RFX3: variants seen among roughly 807,000 people sequenced by gnomAD.
RFX3 encodes transcription factor RFX3.
Under a neutral mutation model 98.6 loss-of-function variants are expected in RFX3, and 14 were observed. The observed-to-expected ratio is 0.14, with a 90% CI of 0.09 to 0.22. The LOEUF (loss-of-function observed/expected upper bound fraction) is 0.22, where lower values mean the gene tolerates loss of function less well. RFX3 is among the 10% of genes least tolerant of loss of function. The pLI, the probability that RFX3 is intolerant of heterozygous loss-of-function variation, is 1.00. For synonymous variants in RFX3, 383 were observed against 328.4 expected (o/e 1.17, Z -1.80); for missense variants, 639 against 926.9 (o/e 0.69, Z 4.03).
At chr9:3,344,785 C>T (rs186786180) in intron 3 of RFX3, 26 of 698,086 alleles carry the variant, frequency 3.7e-5, no homozygotes, top group East Asian at 2.7e-5. Flanking sequence ...GCATAAAGGT[C>T]GAAGTGGCAG....
At chr9:3,401,052 C>T (rs1008234138) in intron 1 of RFX3, among the ~76,000 whole-genome samples, 1 of 152,098 alleles carries the variant, frequency 6.6e-6, no homozygotes, top group African/African-American at 2.4e-5. Context: ...GGTTCTCAAT[C>T]GATATTACAT....
At chr9:3,262,171 C>A (rs544614862) in intron 13 of RFX3, among the ~76,000 whole-genome samples, 2 of 151,822 alleles carry the variant, frequency 1.3e-5, no homozygotes, top group Admixed American at 6.6e-5. Flanking sequence ...TGTATTTTTC[C>A]TCTTGTTGCT....
intron 1 of RFX3, among the ~76,000 whole-genome samples, chr9:3,431,858 T>C (rs1564093636): frequency 6.6e-6 from 1 of 152,156 alleles, no homozygotes; most frequent in Non-Finnish European, 1.5e-5. Context: ...AACAGGTTTC[T>C]AATGCAGAAG....
chr9:3,227,034 C>T (rs1161235950), intron 16 of RFX3, among the ~76,000 whole-genome samples: 2 of 152,126 alleles, frequency 1.3e-5, no homozygotes, highest in Non-Finnish European at 2.9e-5. Context: ...GCCCATCTGG[C>T]TCTAACTCAA....
intron 2 of RFX3, among the ~76,000 whole-genome samples, chr9:3,369,226 G>C (rs529441911): frequency 6.6e-6 from 1 of 152,328 alleles, no homozygotes; most frequent in African/African-American, 2.4e-5. Flanking sequence ...CTGGATGCTG[G>C]GAATTTCAAG....
intron 1 of RFX3, among the ~76,000 whole-genome samples, chr9:3,495,506 A>G (rs1056269125): frequency 2.0e-5 from 3 of 152,106 alleles, no homozygotes; most frequent in African/African-American, 2.4e-5. Flanking sequence ...TTAAAATGTC[A>G]TTAAATGGCT....
chr9:3,422,910 A>T (rs1037379857), intron 1 of RFX3, among the ~76,000 whole-genome samples: 2 of 152,258 alleles, frequency 1.3e-5, no homozygotes, highest in African/African-American at 2.4e-5. Flanking sequence ...AGCTATATTT[A>T]AAAAAATAAT....
At chr9:3,247,660 A>T in intron 15 of RFX3, 1 of 1,422,332 alleles carries the variant, frequency 7.0e-7, no homozygotes, top group Non-Finnish European at 9.2e-7. Flanking sequence ...AGTCTACAAA[A>T]TACATATTTA....
At chr9:3,393,360 T>G (rs1840518561) in intron 2 of RFX3, among the ~76,000 whole-genome samples, 1 of 152,122 alleles carries the variant, frequency 6.6e-6, no homozygotes, top group Non-Finnish European at 1.5e-5. Context: ...GTGTAAATAT[T>G]TGATAATATG....
Position 3,224,640 on chromosome 9 carries a change from A to C in RFX3, c.*402T>G, listed in dbSNP as rs995155253. 9.0e-5 allele frequency: 15 copies of C among 166,236 alleles called. No homozygotes were observed. The highest frequency in any genetic ancestry group is 3.6e-4 in the African/African-American group (15 of 41,560). The allele number at this position is 166,236 out of a possible 1,614,324, so 10.3% of individuals were successfully genotyped here. A position where few individuals can be genotyped will look rare whatever the true frequency, so the allele number is the denominator to read the frequency against. ...GCCTCCAGTGTAAATCAAAAAAATC[A>C]TTTCTTTTGATATTTCACAGAAGTG... On this transcript the variant is annotated 3_prime_UTR_variant, in exon 17 of 17. Transcript: ENST00000617270.
At chr9:3,363,831 A>G (rs1420397392) in intron 2 of RFX3, among the ~76,000 whole-genome samples, 3 of 152,240 alleles carry the variant, frequency 2.0e-5, no homozygotes, top group African/African-American at 7.2e-5. Flanking sequence ...TATTGGTAGT[A>G]CAAAGGCAAG....
intron 8 of RFX3, among the ~76,000 whole-genome samples, chr9:3,277,132 CTA>C (rs1304038592): frequency 6.6e-6 from 1 of 151,864 alleles, no homozygotes; most frequent in East Asian, 1.9e-4. Context: ...CATAAAAGTC[CTA>C]TATAGCTCGA....
At chr9:3,305,249 T>C (rs1829146027) in intron 4 of RFX3, among the ~76,000 whole-genome samples, 2 of 151,726 alleles carry the variant, frequency 1.3e-5, no homozygotes, top group South Asian at 4.2e-4. Context: ...GCTGAAAAAA[T>C]AGGTTGGAAG....
At chr9:3,454,871 C>T (rs376367569) in intron 1 of RFX3, among the ~76,000 whole-genome samples, 2 of 152,174 alleles carry the variant, frequency 1.3e-5, no homozygotes, top group Non-Finnish European at 2.9e-5. Flanking sequence ...ACAGAAATAA[C>T]GTGATTTACA....
intron 7 of RFX3, among the ~76,000 whole-genome samples, chr9:3,282,062 C>T (rs537426497): frequency 2.6e-4 from 39 of 151,824 alleles, no homozygotes; most frequent in African/African-American, 9.2e-4. Context: ...ATTTTATTTG[C>T]ATGAATAAAT....
chr9:3,525,881 A>C lies in RFX3; in HGVS notation c.-143T>G. 1.0e-6 allele frequency: 1 copy of C among 985,316 alleles called. No individual in the cohort carries two copies. The highest frequency in any genetic ancestry group is 1.2e-6 in the Non-Finnish European group (1 of 829,956). The allele number at this position is 985,316 out of a possible 1,614,324, so 61.0% of individuals were successfully genotyped here. ...GGTAACAGTCGCCAGGACTACGGTG[A>C]CTATGGCGCTTGATTCACAAGGCAA... On this transcript the variant is annotated 5_prime_UTR_variant, in exon 1 of 17. Transcript: ENST00000617270.
At chr9:3,457,139 CAAAAAAAAAAAAAAAAAAA>C (rs1169959832) in intron 1 of RFX3, among the ~76,000 whole-genome samples, 16 of 22,814 alleles carry the variant, frequency 7.0e-4, no homozygotes, top group Middle Eastern at 0.045. Context: ...GACTCCATCT[CAAAAAAAAAAAAAAAAAAA>C]AAAAAAAAAA....
intron 1 of RFX3, among the ~76,000 whole-genome samples, chr9:3,452,063 G>C (rs7872810): frequency 1.3e-5 from 2 of 152,072 alleles, no homozygotes; most frequent in African/African-American, 4.8e-5. Flanking sequence ...CATGACCTAA[G>C]TAACCAATTT....
chr9:3,358,660 T>G (rs1173285438), intron 2 of RFX3, among the ~76,000 whole-genome samples: 2 of 152,146 alleles, frequency 1.3e-5, no homozygotes, highest in African/African-American at 2.4e-5. Context: ...AACACCATTT[T>G]TATTATTATC....
Sources: gnomAD v4.1 joint callset for allele counts (sites outside exome capture counted in the v4.1 genomes callset) on GRCh38, gnomAD v4.1.1 for gene constraint, MANE v1.5 for transcripts, NCBI Gene and HGNC (gene_info 2026-07-23, HGNC 2026-07-21) for gene names.